Variants in MSI2 observed in about 807,000 individuals in gnomAD.
MSI2 encodes RNA-binding protein Musashi homolog 2.
A neutral mutation model predicts 45.6 loss-of-function variants in MSI2; 17 were observed. That is an observed-to-expected ratio of 0.37 (90% CI 0.26 to 0.56). The LOEUF is 0.56. Ranked by LOEUF, MSI2 falls within the 20% of genes least tolerant of loss-of-function variation. The pLI is 0.77. For synonymous variants in MSI2, 156 were observed against 158.2 expected, an observed-to-expected ratio of 0.99 and a Z score of 0.11; for missense variants, 293 against 444.2, an observed-to-expected ratio of 0.66 and a Z score of 3.06.
At chr17:57,401,545 C>A in intron 6 of MSI2, 74 bp downstream of exon 6, 1 of 1,161,734 alleles carries the variant, frequency 8.6e-7, no homozygotes, top group Non-Finnish European at 1.3e-6. Flanking sequence ...CTACCGTGGC[C>A]CCCGCCCCTG....
intron 10 of MSI2, among the ~76,000 whole-genome samples, chr17:57,651,840 T>C (rs1351048932): frequency 6.6e-6 from 1 of 152,162 alleles, no homozygotes. Flanking sequence ...CTACAATTCT[T>C]GAATTATTGT....
At chr17:57,351,105 T>C (rs1915996156) in intron 5 of MSI2, among the ~76,000 whole-genome samples, 1 of 152,036 alleles carries the variant, frequency 6.6e-6, no homozygotes, top group Non-Finnish European at 1.5e-5. Context: ...TGCCTCAACT[T>C]CTCTCTTCCC....
intron 5 of MSI2, among the ~76,000 whole-genome samples, chr17:57,399,634 T>C (rs999269936): frequency 6.6e-6 from 1 of 152,114 alleles, no homozygotes; most frequent in Non-Finnish European, 1.5e-5. Flanking sequence ...CAGGCTATGG[T>C]GGCATGTGTC....
At chr17:57,500,228 C>T (rs1416283584) in intron 6 of MSI2, among the ~76,000 whole-genome samples, 2 of 151,990 alleles carry the variant, frequency 1.3e-5, no homozygotes, top group African/African-American at 4.8e-5. Flanking sequence ...AGTTTGCCTG[C>T]AGTCACTCAG....
rs777584366 is a variant in MSI2 at position 57,596,509 on chromosome 17, C to T, written c.455-359C>T. Among the ~76,000 whole-genome samples the T allele has an allele frequency of 4.9e-4, 75 of 152,238 alleles. No homozygotes were observed. The highest frequency in any genetic ancestry group is 9.4e-4 in the Non-Finnish European group (64 of 68,046). ...CTCGCGGAAAGGGCAAGCGTGGCCC[C>T]GCAGTGATCCACGAGGCTCTGGTTA... On this transcript the variant is annotated intron_variant, in intron 7 of 13. Transcript: ENST00000284073. This position sits in a 1 kb window ranked among gnomAD's most constrained non-coding sequence, Gnocchi z 4.6.
At chr17:57,414,036 TG>T (rs1189994839) in intron 6 of MSI2, among the ~76,000 whole-genome samples, 1 of 151,008 alleles carries the variant, frequency 6.6e-6, no homozygotes, top group Non-Finnish European at 1.5e-5. Flanking sequence ...TTAACAAGCA[TG>T]GGGTGTGGGT....
chr17:57,525,731 G>A (rs2086683384), intron 6 of MSI2, among the ~76,000 whole-genome samples: 1 of 152,212 alleles, frequency 6.6e-6, no homozygotes, highest in South Asian at 2.1e-4. Flanking sequence ...GCCAGGACAT[G>A]GGACAAATCA....
chr17:57,582,710 T>TAAATTTCCATC (rs1283145861), intron 7 of MSI2, among the ~76,000 whole-genome samples: 1 of 152,248 alleles, frequency 6.6e-6, no homozygotes, highest in Non-Finnish European at 1.5e-5. Context: ...ATTCAGCTTG[T>TAAATTTCCATC]AAATTTCCAT....
At chr17:57,292,583 G>C (rs1373134568) in intron 5 of MSI2, among the ~76,000 whole-genome samples, 1 of 152,092 alleles carries the variant, frequency 6.6e-6, no homozygotes, top group East Asian at 1.9e-4. Context: ...GTTGGTGGGG[G>C]GTCCCTCACC....
the MSI2 span, among the ~76,000 whole-genome samples, chr17:57,696,632 G>A: frequency 6.6e-6 from 1 of 152,284 alleles, no homozygotes; most frequent in African/African-American, 2.4e-5. Flanking sequence ...CTGCTTGGGA[G>A]GCTGAGGCAA....
chr17:57,291,951 G>A (rs1910460594), intron 5 of MSI2, among the ~76,000 whole-genome samples: 1 of 152,144 alleles, frequency 6.6e-6, no homozygotes, highest in African/African-American at 2.4e-5. Context: ...TTTGTTCATG[G>A]AGTGAACTCA....
chr17:57,688,537 C>T (rs1222831557), downstream of MSI2, among the ~76,000 whole-genome samples: 1 of 152,090 alleles, frequency 6.6e-6, no homozygotes, highest in African/African-American at 2.4e-5. Context: ...GCCATTAAAA[C>T]AGGTAACCCC....
At chr17:57,490,136 A>G (rs2143800646) in intron 6 of MSI2, among the ~76,000 whole-genome samples, 1 of 152,314 alleles carries the variant, frequency 6.6e-6, no homozygotes, top group Middle Eastern at 3.4e-3. Context: ...CATCTATAAA[A>G]TGGGGATCAT....
Position 57,684,174 on chromosome 17 carries a change from A to G in MSI2, c.*4657A>G, listed in dbSNP as rs1354869648. On this transcript the variant is annotated 3_prime_UTR_variant, in exon 14 of 14. Transcript: ENST00000284073. ...TCCCTCGAAGGTTCTCTACTACTGT[A>G]TTCTGTACATAATGTACCATCCCAT... 1 of 214,788 alleles carries G rather than the reference A, an allele frequency of 4.7e-6. No individual in the cohort carries two copies. 13.3% of individuals were successfully genotyped at this position (214,788 alleles called of 1,614,324 possible).
intron 5 of MSI2, among the ~76,000 whole-genome samples, chr17:57,325,062 G>A (rs1302215284): frequency 6.6e-6 from 1 of 152,176 alleles, no homozygotes; most frequent in Non-Finnish European, 1.5e-5. Context: ...GCAAAGATAT[G>A]GAGCCAACCT....
At chr17:57,360,880 T>A (rs942428132) in intron 5 of MSI2, among the ~76,000 whole-genome samples, 1 of 152,222 alleles carries the variant, frequency 6.6e-6, no homozygotes, top group African/African-American at 2.4e-5. Flanking sequence ...AGAGGCTAAT[T>A]ATGGGATGCG....
intron 10 of MSI2, among the ~76,000 whole-genome samples, chr17:57,649,477 A>G (rs1910962745): frequency 6.6e-6 from 1 of 151,870 alleles, no homozygotes; most frequent in Admixed American, 6.6e-5. Context: ...ATCCACATAC[A>G]CCCAACACAC....
At chr17:57,647,274 CAAA>C (rs33915774) in intron 10 of MSI2, among the ~76,000 whole-genome samples, 158 of 37,658 alleles carry the variant, frequency 4.2e-3, no homozygotes, top group Middle Eastern at 0.036. Context: ...ACTAAAAATA[CAAA>C]AAAAAAAAAA....
intron 7 of MSI2, among the ~76,000 whole-genome samples, chr17:57,547,674 AGTT>A (rs893107226): frequency 6.0e-5 from 9 of 150,538 alleles, no homozygotes; most frequent in East Asian, 2.0e-4. Flanking sequence ...GAAGAAAATC[AGTT>A]GTTCTGTTTG....
Sources: allele counts gnomAD v4.1 joint callset (sites outside exome capture counted in the v4.1 genomes callset), GRCh38; gene constraint gnomAD v4.1.1; non-coding constraint Gnocchi (gnomAD v3.1); transcripts MANE v1.5; gene names NCBI Gene and HGNC (gene_info 2026-07-23, HGNC 2026-07-21).